A2M: variants seen among roughly 807,000 people sequenced by gnomAD.
The protein encoded by A2M is alpha-2-macroglobulin.
A neutral mutation model predicts 183.9 loss-of-function variants in A2M; 128 were observed. The ratio of observed to expected loss-of-function variants is 0.70; its 90% CI spans 0.60 to 0.81. A2M has a LOEUF of 0.81. Ranked by LOEUF, A2M falls within the 30% of genes least tolerant of loss-of-function variation. The probability of loss-of-function intolerance (pLI) is 0.00; values close to 1 mark genes in which losing one functional copy is unlikely to be tolerated. For synonymous variants in A2M, 592 were observed against 670.8 expected (o/e 0.88, Z 1.81); for missense variants, 1,495 against 1,787.6 (o/e 0.84, Z 2.95).
intron 29 of A2M, among the ~76,000 whole-genome samples, chr12:9,074,088 A>T (rs1438606615): frequency 1.6e-3 from 29 of 17,938 alleles, no homozygotes; most frequent in Admixed American, 0.013. Flanking sequence ...ACTCTGTCTT[A>T]AAAAAAAAAA....
intron 24 of A2M, 151 bp downstream of exon 24, chr12:9,079,488 G>C (rs1354329017): frequency 9.7e-7 from 1 of 1,031,322 alleles, no homozygotes; most frequent in Admixed American, 2.3e-5. Flanking sequence ...TTGGAGGTTG[G>C]AGAGTGGATA....
At chr12:9,074,840 G>T in intron 28 of A2M, 57 bp from the exon 29 acceptor site, 3 of 1,518,810 alleles carry the variant, frequency 2.0e-6, no homozygotes, top group Non-Finnish European at 2.7e-6. Context: ...TTAATTCAAG[G>T]TGAAAGTACC....
intron 24 of A2M, 124 bp from the exon 25 acceptor site, chr12:9,079,455 G>A: frequency 1.7e-6 from 2 of 1,164,650 alleles, no homozygotes; most frequent in South Asian, 1.4e-5. Flanking sequence ...TAGATTAGGA[G>A]TTTCTGAGCC....
At position 9,101,305 on chromosome 12, in the gene A2M, A is replaced by T. The variant is rs1937827666; in HGVS notation, c.1495-98T>A. ...GTTTTATTGAGTCCCTGCCGGCAAT[A>T]ATTCACCTCAAGAGAAATCAAACTT... On this transcript the variant is annotated intron_variant, in intron 12 of 35. Transcript: ENST00000318602. 4 of 1,378,344 alleles carry T rather than the reference A, an allele frequency of 2.9e-6. No individual in the cohort carries two copies. The East Asian group carries it at 1.0e-4, about 34-fold the overall frequency. 85.4% of individuals were successfully genotyped at this position (1,378,344 alleles called of 1,614,324 possible).
At position 9,077,914 on chromosome 12, in the gene A2M, C is replaced by A; in HGVS notation, c.3120-57G>T. The A allele has an allele frequency of 2.5e-6, 4 of 1,605,500 alleles. No individual in the cohort carries two copies. In the South Asian group the frequency reaches 4.4e-5, roughly 18 times the overall value. Reference sequence around the variant, plus strand: ...TGTTGTCAAAATGGTTTTATAACCACTTCACAGCAACAGGCTTCATATGAT... The same window carrying A: ...TGTTGTCAAAATGGTTTTATAACCAATTCACAGCAACAGGCTTCATATGAT... On this transcript the variant is annotated intron_variant, in intron 25 of 35. Transcript: ENST00000318602.
At chr12:9,090,560 G>A in intron 19 of A2M, 78 bp from the exon 20 acceptor site, 2 of 1,500,294 alleles carry the variant, frequency 1.3e-6, no homozygotes, top group Non-Finnish European at 9.1e-7. Context: ...AGCATCTTGA[G>A]GAATTGGTTA....
At chr12:9,115,561 G>C in intron 1 of A2M, 1 of 515,858 alleles carries the variant, frequency 1.9e-6, no homozygotes, top group Non-Finnish European at 3.5e-6. Context: ...GGAAGGCTTT[G>C]CATATTAGAG....
At chr12:9,068,259 C>CAT (rs764370224) in intron 34 of A2M, 35 bp from the exon 35 acceptor site, 3 of 1,593,494 alleles carry the variant, frequency 1.9e-6, no homozygotes. Flanking sequence ...AACCAGAAAT[C>CAT]ATTACATGAA....
At chr12:9,074,880 C>T (rs1948694026) in intron 28 of A2M, 97 bp from the exon 29 acceptor site, 1 of 1,242,888 alleles carries the variant, frequency 8.0e-7, no homozygotes, top group African/African-American at 1.5e-5. Flanking sequence ...GAATTGCATG[C>T]CCATTATAAT....
intron 34 of A2M, among the ~76,000 whole-genome samples, chr12:9,068,490 C>T (rs949897345): frequency 8.5e-5 from 13 of 152,160 alleles, no homozygotes; most frequent in Admixed American, 5.9e-4. Context: ...GTCATACAGT[C>T]CATTTATCTG....
At chr12:9,069,091 G>T (rs1346169422) in intron 33 of A2M, 1 of 309,902 alleles carries the variant, frequency 3.2e-6, no homozygotes, top group Non-Finnish European at 5.9e-6. Context: ...GGGGGTAAAT[G>T]ATATATACTT....
In A2M at chr12:9,095,525, C is replaced by A; in HGVS notation, c.2013+14G>T. 1 of 1,606,074 alleles carries A rather than the reference C, an allele frequency of 6.2e-7. No homozygotes were observed. Among genetic ancestry groups the A allele is most frequent in the African/African-American group, 1.3e-5 (1 of 74,720 alleles). Reference sequence around the variant, plus strand: ...AAGCTTAAGATCAGACCATCTGCAACATAAGGAGTTTACCTCTAGGAAGCT... The same window carrying A: ...AAGCTTAAGATCAGACCATCTGCAAAATAAGGAGTTTACCTCTAGGAAGCT... On this transcript the variant is annotated intron_variant, in intron 16 of 35. Transcript: ENST00000318602.
At chr12:9,098,327 T>G in intron 15 of A2M, 2 of 171,990 alleles carry the variant, frequency 1.2e-5, no homozygotes, top group Non-Finnish European at 2.4e-5. Context: ...AACGAGTCCT[T>G]TTTTGGTTGT....
chr12:9,095,087 GCA>G lies in A2M; in HGVS notation c.2014-5_2014-4del. On this transcript the variant is annotated splice_region_variant and splice_polypyrimidine_tract_variant and intron_variant, in intron 16 of 35. Transcript: ENST00000318602. Reference sequence around the variant, plus strand: ...GTGAATGCCTTTAAGCCCATGTCCTGCAAAGAAAATTATCATCTAATCAGTAA... The same window carrying G: ...GTGAATGCCTTTAAGCCCATGTCCTGAAGAAAATTATCATCTAATCAGTAA... The G allele has an allele frequency of 6.7e-7, 1 of 1,499,612 alleles. No homozygotes were observed. Among genetic ancestry groups the G allele is most frequent in the Non-Finnish European group, 9.1e-7 (1 of 1,100,506 alleles). The allele number at this position is 1,499,612 out of a possible 1,614,324, so 92.9% of individuals were successfully genotyped here. A position where few individuals can be genotyped will look rare whatever the true frequency, so the allele number is the denominator to read the frequency against.
At chr12:9,105,733 G>C (rs928894442) in intron 10 of A2M, among the ~76,000 whole-genome samples, 2 of 152,090 alleles carry the variant, frequency 1.3e-5, no homozygotes, top group African/African-American at 2.4e-5. Context: ...AAATATACTT[G>C]TTATAGAAAA....
Position 9,072,820 on chromosome 12 carries a change from T to G in A2M, c.3808A>C (p.Thr1270Pro), listed in dbSNP as rs761535300. 1.2e-6 allele frequency: 2 copies of G among 1,614,156 alleles called. No homozygotes were observed. The highest frequency in any genetic ancestry group is 1.7e-5 in the Admixed American group (1 of 60,020). ...ACCTGTGCAGCCTTCCCAGTCCTGG[T>G]AAATGTGGCTGCTCCATATTTGGAC... is the stretch of plus-strand genomic sequence containing the variant. ...ALSKYGAATF[T>P]RTGKAAQVTI... The change falls in exon 30 of 36, where the codon ACC becomes CCC. Residue 1270 changes from threonine to proline, a missense_variant. Physicochemically the swap from Thr to Pro is conservative, Grantham distance 38 (BLOSUM62 -1). Coordinates refer to ENST00000318602, the MANE Select transcript of A2M (RefSeq NM_000014.6).
intron 28 of A2M, among the ~76,000 whole-genome samples, chr12:9,075,471 C>A (rs780211208): frequency 2.0e-5 from 3 of 152,086 alleles, no homozygotes; most frequent in African/African-American, 7.2e-5. Context: ...AGGAGAAACT[C>A]GATGTGTAAA....
intron 15 of A2M, among the ~76,000 whole-genome samples, chr12:9,096,691 A>C (rs1199616897): frequency 6.6e-6 from 1 of 152,254 alleles, no homozygotes; most frequent in Non-Finnish European, 1.5e-5. Flanking sequence ...ATTGACAAGA[A>C]CAGATGAGCA....
At chr12:9,102,327 C>T (rs1027348985) in intron 11 of A2M, among the ~76,000 whole-genome samples, 1 of 152,222 alleles carries the variant, frequency 6.6e-6, no homozygotes, top group Non-Finnish European at 1.5e-5. Flanking sequence ...GTGATCCTCC[C>T]AGTCAGCCTC....
Sources: allele counts gnomAD v4.1 joint callset (sites outside exome capture counted in the v4.1 genomes callset), GRCh38; gene constraint gnomAD v4.1.1; transcripts MANE v1.5; gene names NCBI Gene and HGNC (gene_info 2026-07-23, HGNC 2026-07-21).